Variants in SLC36A1 observed in about 807,000 individuals in gnomAD.
SLC36A1 encodes solute carrier family 36 member 1.
SLC36A1 carries 30 observed loss-of-function variants against 47.5 expected under a neutral mutation model. The ratio of observed to expected loss-of-function variants is 0.63; its 90% CI spans 0.47 to 0.86. The LOEUF (loss-of-function observed/expected upper bound fraction) is 0.86. Among genes scored for constraint, SLC36A1 ranks in the 40% least tolerant of loss-of-function variants. The pLI, the probability that SLC36A1 is intolerant of heterozygous loss-of-function variation, is 0.00. For missense variants in SLC36A1, 517 were observed against 606.0 expected (o/e 0.85, Z 1.54); for synonymous variants, 255 against 249.7 (o/e 1.02, Z -0.20).
chr5:151,476,673 C>T lies in SLC36A1; in HGVS notation c.906C>T (p.Leu302=). The T allele has an allele frequency of 1.2e-6, 2 of 1,613,698 alleles. No individual in the cohort carries two copies. The highest frequency in any genetic ancestry group is 1.7e-6 in the Non-Finnish European group (2 of 1,179,794). The change falls in exon 9 of 11, where the codon CTC becomes CTT. Residue 302 remains leucine, a synonymous_variant. Coordinates refer to ENST00000243389, the MANE Select transcript of SLC36A1 (RefSeq NM_078483.4). ...TGGGCATGGTCATCGTCACCATCCT[C>T]TACATCAGCCTGGGGTGTCTGGGGT... ...LYLGMVIVTI[L]YISLGCLGYL...
chr5:151,419,875 A>G, the SLC36A1 span: 5 of 152,270 alleles, frequency 3.3e-5, no homozygotes, highest in East Asian at 1.9e-4. Flanking sequence ...CATCCCAGGC[A>G]AGGAGAGGAC....
chr5:151,439,032 C>T (rs373064081), intron 1 of SLC36A1, among the ~76,000 whole-genome samples: 5 of 152,242 alleles, frequency 3.3e-5, no homozygotes, highest in African/African-American at 1.2e-4. Context: ...AATTGATTCA[C>T]AGTTCTACAT....
chr5:151,532,388 AACACAC>A, the SLC36A1 span, among the ~76,000 whole-genome samples: 11,185 of 150,434 alleles, frequency 0.074, 449 homozygotes, highest in South Asian at 0.11. Context: ...TGCGTGTACA[AACACAC>A]ACACACACAC....
chr5:151,398,239 A>C, the SLC36A1 span, among the ~76,000 whole-genome samples: 6 of 152,134 alleles, frequency 3.9e-5, no homozygotes, highest in African/African-American at 1.4e-4. Context: ...ATGGGTAAGG[A>C]CTATCATCAT....
chr5:151,547,976 A>C, the SLC36A1 span, among the ~76,000 whole-genome samples: 1 of 152,258 alleles, frequency 6.6e-6, no homozygotes, highest in African/African-American at 2.4e-5. Context: ...TTTTAAAACT[A>C]ATCTAATCTG....
chr5:151,408,609 T>C, the SLC36A1 span, among the ~76,000 whole-genome samples: 4 of 152,156 alleles, frequency 2.6e-5, no homozygotes, highest in Non-Finnish European at 5.9e-5. Flanking sequence ...AAACAAACAT[T>C]GTATGTCCCC....
At chr5:151,449,405 T>C (rs1461463836) in intron 1 of SLC36A1, among the ~76,000 whole-genome samples, 2 of 152,250 alleles carry the variant, frequency 1.3e-5, no homozygotes, top group Non-Finnish European at 2.9e-5. Flanking sequence ...TTTGTGTTTG[T>C]CTGGGGATGG....
At chr5:151,552,905 C>T in the SLC36A1 span, among the ~76,000 whole-genome samples, 2 of 152,224 alleles carry the variant, frequency 1.3e-5, no homozygotes, top group Non-Finnish European at 2.9e-5. Flanking sequence ...CATTTTAGGT[C>T]TCCTAGGCCC....
rs1259751112 is a variant in SLC36A1, at chr5:151,479,325, A to G, written c.995A>G (p.Tyr332Cys). ...ITLNLPNCWL[Y>C]QSVKLLYSIG... is the part of the protein sequence containing the mutation. Reference sequence around the variant, plus strand: ...TCTCCTGTCTGTTTCGGCAGGTTGTACCAGTCAGTTAAGCTGCTGTACTCC... The same window carrying G: ...TCTCCTGTCTGTTTCGGCAGGTTGTGCCAGTCAGTTAAGCTGCTGTACTCC... Residue 332 changes from tyrosine to cysteine, a missense_variant, in exon 10 of 11, where the codon TAC becomes TGC. Tyr to Cys is a radical substitution (Grantham distance 194, BLOSUM62 -2). Transcript: ENST00000243389. The G allele has an allele frequency of 3.1e-6, 5 of 1,613,938 alleles. No individual in the cohort carries two copies. Among genetic ancestry groups the G allele is most frequent in the Non-Finnish European group, 4.2e-6 (5 of 1,179,934 alleles).
At chr5:151,484,934 C>T (rs1174958088) in intron 10 of SLC36A1, among the ~76,000 whole-genome samples, 1 of 152,126 alleles carries the variant, frequency 6.6e-6, no homozygotes, top group Non-Finnish European at 1.5e-5. Context: ...CCCACAGTAA[C>T]ACCTGGCACC....
the SLC36A1 span, among the ~76,000 whole-genome samples, chr5:151,519,002 G>A: frequency 6.6e-6 from 1 of 152,160 alleles, no homozygotes; most frequent in Non-Finnish European, 1.5e-5. Context: ...AAAGCCAAAA[G>A]GAGGAGAAGA....
chr5:151,504,119 T>TA, the SLC36A1 span: 24,250 of 150,350 alleles, frequency 0.16, 2,177 homozygotes, highest in Non-Finnish European at 0.21. Flanking sequence ...ACTTTATTGT[T>TA]AAAAAAAAAA....
the SLC36A1 span, among the ~76,000 whole-genome samples, chr5:151,532,934 T>C: frequency 6.6e-6 from 1 of 152,234 alleles, no homozygotes; most frequent in Admixed American, 6.5e-5. Flanking sequence ...GCACATGCCA[T>C]GCAACTTCCC....
At chr5:151,473,124 G>A (rs1360899436) in intron 7 of SLC36A1, among the ~76,000 whole-genome samples, 3 of 151,998 alleles carry the variant, frequency 2.0e-5, no homozygotes, top group African/African-American at 7.3e-5. Context: ...GCAGTGAGCC[G>A]AGATCTCGCC....
chr5:151,525,108 C>T, the SLC36A1 span, among the ~76,000 whole-genome samples: 2 of 152,144 alleles, frequency 1.3e-5, no homozygotes, highest in African/African-American at 2.4e-5. Flanking sequence ...AAATACTTGT[C>T]GAGAGATGGA....
intron 10 of SLC36A1, chr5:151,480,290 TTC>T (rs531677772): frequency 2.4e-4 from 104 of 437,854 alleles, no homozygotes; most frequent in Non-Finnish European, 3.6e-4. Flanking sequence ...TGGCTTTTTT[TTC>T]TCTTTTTAGG....
intron 10 of SLC36A1, among the ~76,000 whole-genome samples, chr5:151,483,956 A>G (rs1759174636): frequency 6.6e-6 from 1 of 152,196 alleles, no homozygotes; most frequent in Non-Finnish European, 1.5e-5. Context: ...TAAAATCTCT[A>G]TTAAGGATAT....
At chr5:151,439,965 C>T (rs1349205677) in intron 1 of SLC36A1, among the ~76,000 whole-genome samples, 2 of 152,202 alleles carry the variant, frequency 1.3e-5, no homozygotes, top group African/African-American at 4.8e-5. Context: ...ACTTGTGCCA[C>T]TTAATAAATT....
chr5:151,444,983 T>C (rs763931282), upstream of SLC36A1, among the ~76,000 whole-genome samples: 12 of 152,216 alleles, frequency 7.9e-5, no homozygotes, highest in East Asian at 1.9e-4. Flanking sequence ...TCCAGTACTA[T>C]GTTGAATAGA....
Sources: allele counts gnomAD v4.1 joint callset (sites outside exome capture counted in the v4.1 genomes callset), GRCh38; gene constraint gnomAD v4.1.1; transcripts MANE v1.5; gene names NCBI Gene and HGNC (gene_info 2026-07-23, HGNC 2026-07-21).